Variants in SLC2A13 observed in about 807,000 individuals in gnomAD.
The protein encoded by SLC2A13 is proton myo-inositol cotransporter.
SLC2A13 carries 32 observed loss-of-function variants against 64.4 expected under a neutral mutation model. That is an observed-to-expected ratio of 0.50 (90% CI 0.37 to 0.67). The LOEUF is 0.67. SLC2A13 is among the 30% of genes least tolerant of loss of function. The pLI is 0.00. For missense variants in SLC2A13, 743 were observed against 829.2 expected, an observed-to-expected ratio of 0.90 and a Z score of 1.28; for synonymous variants, 338 against 327.1, an observed-to-expected ratio of 1.03 and a Z score of -0.36.
At chr12:39,984,220 C>CCTAATGCTA (rs1282750303) in intron 3 of SLC2A13, among the ~76,000 whole-genome samples, 40 of 151,814 alleles carry the variant, frequency 2.6e-4, no homozygotes, top group Admixed American at 7.2e-4. Context: ...GGGAGATATA[C>CCTAATGCTA]CTAATGCTAG....
chr12:39,832,416 G>T (rs4638370), intron 6 of SLC2A13, among the ~76,000 whole-genome samples: 106,316 of 151,930 alleles, frequency 0.7, 37,917 homozygotes, highest in African/African-American at 0.83. Context: ...GTAGTCCCTA[G>T]AAAAGTTCAA....
chr12:39,976,019 T>C (rs1263272531), intron 3 of SLC2A13, among the ~76,000 whole-genome samples: 2 of 152,158 alleles, frequency 1.3e-5, no homozygotes, highest in Non-Finnish European at 2.9e-5. Context: ...CACAATCAGA[T>C]ACGTGAAACA....
intron 1 of SLC2A13, among the ~76,000 whole-genome samples, chr12:40,056,992 AAAAC>A (rs1312478247): frequency 4.6e-5 from 7 of 152,294 alleles, no homozygotes; most frequent in South Asian, 2.1e-4. Context: ...AAAACAAAAC[AAAAC>A]AAACAAACAA....
chr12:40,090,297 G>A (rs1044820819), intron 1 of SLC2A13, among the ~76,000 whole-genome samples: 5 of 152,092 alleles, frequency 3.3e-5, no homozygotes, highest in African/African-American at 1.2e-4. Flanking sequence ...CTAGAAACTA[G>A]TCATGTTTAT....
chr12:39,857,206 A>G (rs1943631932), intron 6 of SLC2A13, among the ~76,000 whole-genome samples: 1 of 152,204 alleles, frequency 6.6e-6, no homozygotes, highest in African/African-American at 2.4e-5. Flanking sequence ...GAAGTCTTTT[A>G]AGTTCAAGAA....
intron 3 of SLC2A13, among the ~76,000 whole-genome samples, chr12:39,985,368 C>A (rs1426617179): frequency 6.6e-6 from 1 of 152,086 alleles, no homozygotes; most frequent in African/African-American, 2.4e-5. Context: ...ATGCAGATTA[C>A]CTCTGCTTAT....
chr12:40,010,372 A>C (rs1372547336), intron 3 of SLC2A13, among the ~76,000 whole-genome samples: 1 of 152,196 alleles, frequency 6.6e-6, no homozygotes, highest in Non-Finnish European at 1.5e-5. Flanking sequence ...CTGAGGTTAC[A>C]TTTATAAATA....
chr12:39,964,385 A>C (rs1946468716), intron 3 of SLC2A13, among the ~76,000 whole-genome samples: 1 of 152,228 alleles, frequency 6.6e-6, no homozygotes. Flanking sequence ...GAAGTAAAGC[A>C]TTACGTTCAT....
intron 6 of SLC2A13, among the ~76,000 whole-genome samples, chr12:39,837,100 C>A (rs1943028973): frequency 1.1e-5 from 1 of 92,784 alleles, no homozygotes; most frequent in African/African-American, 5.0e-5. Flanking sequence ...TACTACAAGG[C>A]TACAGTAACC....
intron 4 of SLC2A13, among the ~76,000 whole-genome samples, chr12:39,906,425 T>A (rs1338398744): frequency 6.6e-6 from 1 of 152,104 alleles, no homozygotes; most frequent in African/African-American, 2.4e-5. Context: ...ACAATAGATA[T>A]GAAAGTCACT....
chr12:39,955,377 C>T (rs1268703909), intron 3 of SLC2A13, among the ~76,000 whole-genome samples: 2 of 152,106 alleles, frequency 1.3e-5, no homozygotes, highest in Non-Finnish European at 2.9e-5. Flanking sequence ...TCTTAGGAAA[C>T]CTTCAACCTT....
chr12:40,020,457 A>G (rs935448080), intron 3 of SLC2A13, among the ~76,000 whole-genome samples: 1 of 152,104 alleles, frequency 6.6e-6, no homozygotes, highest in African/African-American at 2.4e-5. Context: ...ACCTTCCACT[A>G]TGATTCTGAA....
intron 2 of SLC2A13, among the ~76,000 whole-genome samples, chr12:40,038,184 A>G (rs1435617809): frequency 1.3e-5 from 2 of 152,138 alleles, no homozygotes; most frequent in Non-Finnish European, 2.9e-5. Context: ...AAATTTTAAT[A>G]TATTGTATTT....
intron 8 of SLC2A13, 41 bp downstream of exon 8, chr12:39,764,696 C>G (rs779911692): frequency 1.9e-6 from 3 of 1,594,856 alleles, no homozygotes; most frequent in South Asian, 2.3e-5. Context: ...CAAAAAGAGG[C>G]AATTCAATTA....
intron 2 of SLC2A13, among the ~76,000 whole-genome samples, chr12:40,037,808 A>G (rs1257501623): frequency 6.6e-6 from 1 of 152,128 alleles, no homozygotes; most frequent in African/African-American, 2.4e-5. Context: ...TGGTAAATTT[A>G]TTGGCACCAA....
chr12:39,800,006 T>A (rs961794576), intron 7 of SLC2A13, among the ~76,000 whole-genome samples: 1 of 152,178 alleles, frequency 6.6e-6, no homozygotes, highest in African/African-American at 2.4e-5. Flanking sequence ...GATGTCTACC[T>A]TTTTTTGCAG....
At chr12:39,954,602 G>T (rs942206242) in intron 3 of SLC2A13, among the ~76,000 whole-genome samples, 1 of 152,134 alleles carries the variant, frequency 6.6e-6, no homozygotes, top group Admixed American at 6.6e-5. Flanking sequence ...TGTAAGTTTA[G>T]TCCTAGATTA....
intron 2 of SLC2A13, among the ~76,000 whole-genome samples, chr12:40,047,756 A>G (rs1948193143): frequency 1.3e-5 from 2 of 152,236 alleles, no homozygotes; most frequent in Admixed American, 6.5e-5. Flanking sequence ...ATACATATTT[A>G]TCACTGCATT....
At chr12:39,897,566 G>A (rs1273396741) in intron 4 of SLC2A13, among the ~76,000 whole-genome samples, 1 of 152,138 alleles carries the variant, frequency 6.6e-6, no homozygotes, top group East Asian at 1.9e-4. Context: ...TTTTTTATCT[G>A]CTCTGTCCAA....
Sources: gnomAD v4.1 joint callset for allele counts (sites outside exome capture counted in the v4.1 genomes callset) on GRCh38, gnomAD v4.1.1 for gene constraint, MANE v1.5 for transcripts, NCBI Gene and HGNC (gene_info 2026-07-23, HGNC 2026-07-21) for gene names.